DOCK10: variants seen among roughly 807,000 people sequenced by gnomAD.
DOCK10 encodes dedicator of cytokinesis protein 10.
A neutral mutation model predicts 280.1 loss-of-function variants in DOCK10; 145 were observed. That is an observed-to-expected ratio of 0.52 (90% confidence interval 0.45 to 0.59). The LOEUF (loss-of-function observed/expected upper bound fraction) is 0.59, where lower values mean the gene tolerates loss of function less well. DOCK10 is among the 20% of genes least tolerant of loss of function. The pLI, the probability that DOCK10 is intolerant of heterozygous loss-of-function variation, is 0.00. For synonymous variants in DOCK10, 915 were observed against 942.2 expected (o/e 0.97, Z 0.53); for missense variants, 2,368 against 2,651.7 (o/e 0.89, Z 2.35).
chr2:225,035,570 A>ATTATATATATATATATATATATATAT (rs368666534), intron 1 of DOCK10, among the ~76,000 whole-genome samples: 1 of 58,234 alleles, frequency 1.7e-5, no homozygotes, highest in Non-Finnish European at 4.1e-5. Context: ...ATATATATAT[A>ATTATATATATATATATATATATATAT]TATATATATA....
At chr2:224,823,669 T>G in intron 27 of DOCK10, 22 bp from the exon 28 acceptor site, 1 of 1,562,526 alleles carries the variant, frequency 6.4e-7, no homozygotes, top group Non-Finnish European at 8.6e-7. Context: ...ACGGATTATA[T>G]CTTTCTAATG....
intron 11 of DOCK10, among the ~76,000 whole-genome samples, chr2:224,871,511 C>T (rs1174413241): frequency 6.6e-6 from 1 of 152,148 alleles, no homozygotes; most frequent in African/African-American, 2.4e-5. Context: ...TGCTTTAAAC[C>T]ATTGAATAGC....
At chr2:224,946,895 T>C (rs746361545) in intron 1 of DOCK10, 4 of 1,547,068 alleles carry the variant, frequency 2.6e-6, no homozygotes, top group South Asian at 1.2e-5. Flanking sequence ...TCACAGTTCG[T>C]CTCTTCTTCC....
In DOCK10 at chr2:224,896,076, T is replaced by C. The variant is rs549170281; in HGVS notation, c.416+219A>G. ...TGAACGTCAAAACTACATTAAAAAA[T>C]TAAATCAGAGTATATTTATATCTGA... On this transcript the variant is annotated intron_variant, in intron 4 of 55. Coordinates refer to ENST00000258390, the MANE Select transcript of DOCK10 (RefSeq NM_014689.3). Among the ~76,000 whole-genome samples the C allele has an allele frequency of 1.4e-4, 21 of 152,212 alleles. 1 individual carries two copies. The highest frequency in any genetic ancestry group is 5.1e-4 in the African/African-American group (21 of 41,514).
intron 1 of DOCK10, among the ~76,000 whole-genome samples, chr2:224,997,658 G>A (rs961785704): frequency 5.3e-5 from 8 of 152,088 alleles, no homozygotes; most frequent in African/African-American, 1.9e-4. Flanking sequence ...TGCTGATGGA[G>A]GGCGGGAGGA....
rs1691747962 is a variant in DOCK10, at chr2:224,786,618, G to A, written c.5655+404C>T. On this transcript the variant is annotated intron_variant, in intron 50 of 55. Coordinates refer to ENST00000258390, the MANE Select transcript of DOCK10 (RefSeq NM_014689.3). The surrounding 1 kb of genome is among the most constrained non-coding windows in gnomAD (Gnocchi z 4.7). ...ATAGTAAAATCAAAGGTTTGATATG[G>A]TGGAGCCCCTAGGAATTCTCTTATT... 6.6e-6 allele frequency among the ~76,000 whole-genome samples: 1 copy of A among 152,198 alleles called. No homozygotes were observed. Among genetic ancestry groups the A allele is most frequent in the African/African-American group, 2.4e-5 (1 of 41,450 alleles).
chr2:224,779,318 C>T (rs1303119220), intron 50 of DOCK10, among the ~76,000 whole-genome samples: 1 of 151,416 alleles, frequency 6.6e-6, no homozygotes, highest in African/African-American at 2.4e-5. Flanking sequence ...TGGGTTCAAG[C>T]GATTCTCCTA....
chr2:224,915,287 T>C (rs867905093), intron 3 of DOCK10, among the ~76,000 whole-genome samples: 1 of 152,200 alleles, frequency 6.6e-6, no homozygotes, highest in African/African-American at 2.4e-5. Flanking sequence ...GCTAAGACTT[T>C]CTCTAAGGCA....
intron 1 of DOCK10, among the ~76,000 whole-genome samples, chr2:225,035,542 TTATATA>T (rs57424275): frequency 0.032 from 1,619 of 49,964 alleles, 79 homozygotes; most frequent in Non-Finnish European, 0.041. Flanking sequence ...ATGATATATA[TTATATA>T]TATATATATA....
chr2:224,988,521 G>A (rs1193202036), intron 1 of DOCK10, among the ~76,000 whole-genome samples: 1 of 152,190 alleles, frequency 6.6e-6, no homozygotes, highest in Non-Finnish European at 1.5e-5. Flanking sequence ...TTTTACTGTT[G>A]AGGAAACTGA....
At chr2:224,819,624 A>G (rs1160360814) in intron 28 of DOCK10, 95 bp from the exon 29 acceptor site, 6 of 790,742 alleles carry the variant, frequency 7.6e-6, no homozygotes, top group Non-Finnish European at 1.2e-5. Context: ...GTAAAATAAC[A>G]CTAAACTAAA....
At chr2:225,035,567 T>TA (rs1690221236) in intron 1 of DOCK10, among the ~76,000 whole-genome samples, 3 of 53,680 alleles carry the variant, frequency 5.6e-5, no homozygotes, top group East Asian at 6.1e-4. Flanking sequence ...TATATATATA[T>TA]ATATATATAT....
At chr2:224,961,412 C>CTCTTTCTCTTTCTTTCTTTCTT (rs1553623606) in intron 1 of DOCK10, among the ~76,000 whole-genome samples, 64 of 119,460 alleles carry the variant, frequency 5.4e-4, no homozygotes, top group African/African-American at 2.0e-3. Flanking sequence ...TTCTTTCTTT[C>CTCTTTCTCTTTCTTTCTTTCTT]TCTTTCTTTC....
intron 47 of DOCK10, among the ~76,000 whole-genome samples, chr2:224,789,784 CTT>C (rs10605253): frequency 0.52 from 76,802 of 147,292 alleles, 20,620 homozygotes; most frequent in East Asian, 0.81. Flanking sequence ...CCAATACTTG[CTT>C]TTTTTTTTTT....
chr2:225,026,969 TCA>T (rs1051293000), intron 1 of DOCK10, among the ~76,000 whole-genome samples: 25 of 152,214 alleles, frequency 1.6e-4, no homozygotes, highest in African/African-American at 5.8e-4. Context: ...GTTAAATGGT[TCA>T]GACTATCTTT....
intron 4 of DOCK10, among the ~76,000 whole-genome samples, chr2:224,892,397 C>CAAAAAAAAAAAAAAAAAAAAAAA (rs1174651393): frequency 7.7e-5 from 4 of 52,246 alleles, no homozygotes; most frequent in Non-Finnish European, 1.3e-4. Context: ...GACCCTGTCT[C>CAAAAAAAAAAAAAAAAAAAAAAA]AAAAAAAAAA....
At position 224,830,593 on chromosome 2, in the gene DOCK10, G is replaced by A. The variant is rs1464337192; in HGVS notation, c.2984C>T (p.Ala995Val). ...CTGTGCCATCGATTTTAGGATAATT[G>A]CAAAGAAGAACCAGGAATGCTGTTG... ...HVLKHSWFFFAIILKSMAQHL... is the reference protein window; with the variant it reads ...HVLKHSWFFFVIILKSMAQHL... Residue 995 changes from alanine (A) to valine (V), a missense_variant, in exon 27 of 56, where the codon GCA becomes GTA. By Grantham distance (64) the Ala-to-Val change is moderately conservative. This residue lies in a region of DOCK10 where 1,209 missense variants were observed against 1,250.9 expected (regional missense o/e 0.97). Transcript: ENST00000258390. 1 of 1,533,020 alleles carries A rather than the reference G, an allele frequency of 6.5e-7. No homozygotes were observed. Among genetic ancestry groups the A allele is most frequent in the Non-Finnish European group, 8.8e-7 (1 of 1,132,824 alleles). The allele number at this position is 1,533,020 out of a possible 1,614,324, so 95.0% of individuals were successfully genotyped here. A position where few individuals can be genotyped will look rare whatever the true frequency, so the allele number is the denominator to read the frequency against.
chr2:224,877,743 A>G (rs1698729309), intron 7 of DOCK10, among the ~76,000 whole-genome samples: 1 of 152,190 alleles, frequency 6.6e-6, no homozygotes. Flanking sequence ...AAGCGGGGGA[A>G]CCCAAGAACA....
intron 24 of DOCK10, 90 bp downstream of exon 24, chr2:224,839,864 C>A: frequency 1.9e-6 from 1 of 533,242 alleles, no homozygotes; most frequent in Non-Finnish European, 3.2e-6. Flanking sequence ...AATGTAAACA[C>A]ACAACAGTAG....
Sources: allele counts gnomAD v4.1 joint callset (sites outside exome capture counted in the v4.1 genomes callset), GRCh38; gene constraint gnomAD v4.1.1; regional missense constraint gnomAD v4.1.1; non-coding constraint Gnocchi (gnomAD v3.1); transcripts MANE v1.5; gene names NCBI Gene and HGNC (gene_info 2026-07-23, HGNC 2026-07-21).